The following CFAP299 variants were observed in gnomAD, a reference collection of about 807,000 sequenced individuals.
CFAP299 encodes cilia- and flagella-associated protein 299.
CFAP299 carries 21 observed loss-of-function variants against 27.0 expected under a neutral mutation model. The observed-to-expected ratio is 0.78, with a 90% confidence interval of 0.55 to 1.12. The LOEUF is 1.12. CFAP299 is among the 50% of genes most tolerant of loss of function. The pLI, the probability that CFAP299 is intolerant of heterozygous loss-of-function variation, is 0.00. For synonymous variants in CFAP299, 104 were observed against 98.1 expected, an observed-to-expected ratio of 1.06 and a Z score of -0.36; for missense variants, 310 against 276.6, an observed-to-expected ratio of 1.12 and a Z score of -0.86.
At chr4:80,331,590 AG>A (rs1721941434), upstream of CFAP299, among the ~76,000 whole-genome samples, 1 of 152,230 alleles carries the variant, frequency 6.6e-6, no homozygotes, top group Non-Finnish European at 1.5e-5. Context: ...CTTACATTTC[AG>A]GGGTGACGGA....
chr4:80,844,321 A>G (rs1560440526), intron 3 of CFAP299, among the ~76,000 whole-genome samples: 1 of 152,160 alleles, frequency 6.6e-6, no homozygotes, highest in African/African-American at 2.4e-5. Context: ...TCCCTGAGGA[A>G]TCATCACACT....
At chr4:80,321,578 C>A in the CFAP299 span, among the ~76,000 whole-genome samples, 1 of 152,214 alleles carries the variant, frequency 6.6e-6, no homozygotes, top group Non-Finnish European at 1.5e-5. Flanking sequence ...CCACACCCTG[C>A]AGTACCTGAG....
chr4:80,884,070 A>C (rs1042249674), intron 4 of CFAP299, among the ~76,000 whole-genome samples: 2 of 152,116 alleles, frequency 1.3e-5, no homozygotes, highest in African/African-American at 4.8e-5. Flanking sequence ...CTATGTGTCC[A>C]TGTGGTCTCG....
chr4:80,847,947 T>A (rs1008994273), intron 3 of CFAP299, among the ~76,000 whole-genome samples: 1 of 152,132 alleles, frequency 6.6e-6, no homozygotes, highest in South Asian at 2.1e-4. Flanking sequence ...TGGTGGCTCA[T>A]GCCTGCAATA....
At chr4:80,531,211 T>C (rs987836445) in intron 2 of CFAP299, among the ~76,000 whole-genome samples, 3 of 152,022 alleles carry the variant, frequency 2.0e-5, no homozygotes, top group Admixed American at 6.6e-5. Flanking sequence ...ATTTTGAAAA[T>C]AGCATGAAAT....
At chr4:80,526,455 G>A (rs989406397) in intron 2 of CFAP299, among the ~76,000 whole-genome samples, 1 of 152,086 alleles carries the variant, frequency 6.6e-6, no homozygotes, top group Non-Finnish European at 1.5e-5. Context: ...AGAGACTAGA[G>A]ACAGAGTTAA....
intron 2 of CFAP299, among the ~76,000 whole-genome samples, chr4:80,476,717 G>A (rs961132455): frequency 6.6e-5 from 10 of 152,066 alleles, no homozygotes; most frequent in African/African-American, 1.4e-4. Flanking sequence ...CATTTCCAGC[G>A]TTTTTTATCC....
At chr4:80,870,933 G>A in intron 4 of CFAP299, 1 of 950,352 alleles carries the variant, frequency 1.1e-6, no homozygotes, top group Non-Finnish European at 1.3e-6. Flanking sequence ...TTGAGATGGA[G>A]TCTCGCTCTG....
intron 2 of CFAP299, chr4:80,388,392 C>A: frequency 1.4e-6 from 1 of 696,938 alleles, no homozygotes; most frequent in Middle Eastern, 2.5e-4. Context: ...GGAGGCGAGG[C>A]CTGCTGGACC....
At chr4:80,591,126 T>TTA (rs1736748012) in intron 3 of CFAP299, among the ~76,000 whole-genome samples, 1 of 132,766 alleles carries the variant, frequency 7.5e-6, no homozygotes. Flanking sequence ...TTTTTTTTTT[T>TTA]TTTTTATTTT....
intron 2 of CFAP299, among the ~76,000 whole-genome samples, chr4:80,425,816 G>A (rs7670914): frequency 0.62 from 94,860 of 152,078 alleles, 32,983 homozygotes; most frequent in Non-Finnish European, 0.76. Context: ...TTAAGCCACC[G>A]AACAGCTTAG....
At chr4:80,387,343 G>A (rs1725070677) in intron 2 of CFAP299, 4 of 1,504,362 alleles carry the variant, frequency 2.7e-6, no homozygotes, top group East Asian at 2.3e-5. Flanking sequence ...CCACACATTT[G>A]TACACCTGCT....
At chr4:80,559,116 G>T (rs1333469736) in intron 2 of CFAP299, among the ~76,000 whole-genome samples, 1 of 152,226 alleles carries the variant, frequency 6.6e-6, no homozygotes, top group Middle Eastern at 3.4e-3. Flanking sequence ...GTTCAAAATG[G>T]CTTCTTTAGT....
chr4:80,369,633 C>G lies in CFAP299; in HGVS notation c.242+6749C>G, dbSNP rs150390847. 6.6e-5 allele frequency among the ~76,000 whole-genome samples: 10 copies of G among 152,284 alleles called. No homozygotes were observed. In the East Asian group the frequency reaches 1.2e-3, roughly 18 times the overall value. Reference sequence around the variant, plus strand: ...AACTGCAGTCCTTCTTTTTGCTGATCAGCATCAGTTACTCTACAAGATCAT... The same window carrying G: ...AACTGCAGTCCTTCTTTTTGCTGATGAGCATCAGTTACTCTACAAGATCAT... On this transcript the variant is annotated intron_variant, in intron 2 of 5. Coordinates refer to ENST00000358105, the MANE Select transcript of CFAP299 (RefSeq NM_152770.3).
intron 3 of CFAP299, among the ~76,000 whole-genome samples, chr4:80,600,037 C>T (rs534509874): frequency 2.0e-5 from 3 of 151,920 alleles, no homozygotes; most frequent in South Asian, 2.1e-4. Context: ...TCAGGGTGTC[C>T]GAATGCCTCT....
chr4:80,783,835 C>T lies in CFAP299; in HGVS notation c.334-86158C>T, dbSNP rs372021020. ...CTTTAAGTTTCCATTTTAATCCTTT[C>T]ATATTAATTTATTTTGATAAACAGT... On this transcript the variant is annotated intron_variant, in intron 3 of 5. Coordinates refer to ENST00000358105, the MANE Select transcript of CFAP299 (RefSeq NM_152770.3). 1.8e-3 allele frequency among the ~76,000 whole-genome samples: 276 copies of T among 152,230 alleles called. 2 individuals are homozygous for T. The South Asian group carries it at 0.02, about 11-fold the overall frequency.
intron 3 of CFAP299, among the ~76,000 whole-genome samples, chr4:80,624,247 A>G (rs543928178): frequency 4.6e-5 from 7 of 152,250 alleles, no homozygotes; most frequent in East Asian, 3.9e-4. Flanking sequence ...GAAACAAATC[A>G]ACAAAATGAA....
intron 1 of CFAP299, among the ~76,000 whole-genome samples, chr4:80,357,217 T>A (rs1723321615): frequency 6.6e-6 from 1 of 152,214 alleles, no homozygotes; most frequent in African/African-American, 2.4e-5. Context: ...AAGCTTTTGA[T>A]GTGCTGCTGG....
Position 80,570,130 on chromosome 4 carries a change from T to A in CFAP299, c.243-12963T>A, listed in dbSNP as rs540646429. ...GAGAAGCCAGAAACAGATCTATGTATATATAAATATTTGATACATGACAAA... is the reference window on the plus strand; with the variant it reads ...GAGAAGCCAGAAACAGATCTATGTAAATATAAATATTTGATACATGACAAA... On this transcript the variant is annotated intron_variant, in intron 2 of 5. Transcript: ENST00000358105. 2.6e-5 allele frequency among the ~76,000 whole-genome samples: 4 copies of A among 152,192 alleles called. No individual in the cohort carries two copies. The South Asian group carries it at 8.3e-4, about 32-fold the overall frequency.
Sources: allele counts gnomAD v4.1 joint callset (sites outside exome capture counted in the v4.1 genomes callset), GRCh38; gene constraint gnomAD v4.1.1; transcripts MANE v1.5; gene names NCBI Gene and HGNC (gene_info 2026-07-23, HGNC 2026-07-21).